Variants in ENTREP2 observed in about 807,000 individuals in gnomAD.
The protein encoded by ENTREP2 is protein ENTREP2.
the ENTREP2 span, among the ~76,000 whole-genome samples, chr15:29,311,349 T>C: frequency 6.6e-6 from 1 of 152,192 alleles, no homozygotes; most frequent in African/African-American, 2.4e-5. Context: ...CTTTTCTGTA[T>C]TTGCTTAAAT....
chr15:29,312,244 AAAG>A, the ENTREP2 span, among the ~76,000 whole-genome samples: 12 of 152,196 alleles, frequency 7.9e-5, no homozygotes, highest in Non-Finnish European at 1.3e-4. Flanking sequence ...AACATTCATG[AAAG>A]AAGAAGTTAA....
chr15:29,297,846 T>C, the ENTREP2 span, among the ~76,000 whole-genome samples: 509 of 152,246 alleles, frequency 3.3e-3, no homozygotes, highest in African/African-American at 0.012. Context: ...AAATGACCCA[T>C]TAAGATAAAA....
At chr15:29,309,728 G>A in the ENTREP2 span, among the ~76,000 whole-genome samples, 1 of 150,566 alleles carries the variant, frequency 6.6e-6, no homozygotes, top group Non-Finnish European at 1.5e-5. Flanking sequence ...GGCAGAGGTT[G>A]CAGTGAGCTG....
the ENTREP2 span, among the ~76,000 whole-genome samples, chr15:29,516,000 T>C: frequency 2.0e-5 from 3 of 152,188 alleles, no homozygotes; most frequent in Non-Finnish European, 4.4e-5. Context: ...TAAACTTGAA[T>C]AGCCATGGGT....
the ENTREP2 span, chr15:29,613,379 T>C: frequency 2.6e-6 from 1 of 390,452 alleles, no homozygotes; most frequent in Non-Finnish European, 5.2e-6. Context: ...TTCCTGGATA[T>C]GTGCAGAAGG....
chr15:29,173,944 C>CA, the ENTREP2 span, among the ~76,000 whole-genome samples: 8,883 of 78,210 alleles, frequency 0.11, 752 homozygotes, highest in African/African-American at 0.29. Context: ...TCTGGATAGC[C>CA]AAAAAAAAAA....
chr15:29,197,325 A>T, the ENTREP2 span, among the ~76,000 whole-genome samples: 1 of 152,164 alleles, frequency 6.6e-6, no homozygotes, highest in Non-Finnish European at 1.5e-5. Context: ...GTGGTACACC[A>T]CCTGCATTTG....
the ENTREP2 span, among the ~76,000 whole-genome samples, chr15:29,621,717 C>T: frequency 6.6e-6 from 1 of 151,698 alleles, no homozygotes; most frequent in African/African-American, 2.4e-5. Context: ...GGCAGTTCCT[C>T]AAAAACTTAA....
chr15:29,479,497 A>G, the ENTREP2 span, among the ~76,000 whole-genome samples: 1 of 152,116 alleles, frequency 6.6e-6, no homozygotes, highest in African/African-American at 2.4e-5. Flanking sequence ...AGCACCAGCC[A>G]CACATCAGTG....
At chr15:29,284,016 G>T in the ENTREP2 span, among the ~76,000 whole-genome samples, 3 of 152,138 alleles carry the variant, frequency 2.0e-5, no homozygotes, top group Non-Finnish European at 4.4e-5. Context: ...ACGAGTTAAG[G>T]ATCAAGATAT....
At chr15:29,522,700 T>G in the ENTREP2 span, among the ~76,000 whole-genome samples, 1 of 152,122 alleles carries the variant, frequency 6.6e-6, no homozygotes, top group Non-Finnish European at 1.5e-5. Context: ...TGGCTGGAGC[T>G]CCTTCAAATT....
At chr15:29,158,413 T>TTTC in the ENTREP2 span, among the ~76,000 whole-genome samples, 3 of 150,968 alleles carry the variant, frequency 2.0e-5, no homozygotes, top group African/African-American at 7.3e-5. Flanking sequence ...GCCTTTTTTT[T>TTTC]TTTTTTTTTT....
At chr15:29,175,032 C>T in the ENTREP2 span, among the ~76,000 whole-genome samples, 3 of 152,172 alleles carry the variant, frequency 2.0e-5, no homozygotes, top group Non-Finnish European at 2.9e-5. Flanking sequence ...TAATCAGTTT[C>T]TCGCTGGGCC....
chr15:29,359,367 T>C, the ENTREP2 span, among the ~76,000 whole-genome samples: 1 of 152,200 alleles, frequency 6.6e-6, no homozygotes, highest in Non-Finnish European at 1.5e-5. Context: ...GGCAGACTCC[T>C]TTCTTCCTCC....
chr15:29,341,838 G>C, the ENTREP2 span, among the ~76,000 whole-genome samples: 1 of 152,126 alleles, frequency 6.6e-6, no homozygotes, highest in Non-Finnish European at 1.5e-5. Context: ...GGCCCGTGGC[G>C]CTGGACTACA....
At chr15:29,666,971 G>A in the ENTREP2 span, among the ~76,000 whole-genome samples, 11 of 152,158 alleles carry the variant, frequency 7.2e-5, no homozygotes, top group South Asian at 1.7e-3. Context: ...TTATAGACGC[G>A]TCATTCCAAT....
chr15:29,225,108 C>T, the ENTREP2 span, among the ~76,000 whole-genome samples: 1 of 152,190 alleles, frequency 6.6e-6, no homozygotes, highest in African/African-American at 2.4e-5. Context: ...GGCACAGCCC[C>T]GGTTCCTGCT....
chr15:29,634,359 G>A, the ENTREP2 span, among the ~76,000 whole-genome samples: 2 of 152,124 alleles, frequency 1.3e-5, no homozygotes, highest in African/African-American at 4.8e-5. Context: ...AGCAGAGCTT[G>A]GATATAGCCC....
chr15:29,497,372 T>C, the ENTREP2 span, among the ~76,000 whole-genome samples: 1 of 152,228 alleles, frequency 6.6e-6, no homozygotes, highest in Non-Finnish European at 1.5e-5. Flanking sequence ...TTGGTAGAAT[T>C]CATCAGTGAA....
Sources: gnomAD v4.1 joint callset for allele counts (sites outside exome capture counted in the v4.1 genomes callset) on GRCh38, gnomAD v4.1.1 for gene constraint, MANE v1.5 for transcripts, NCBI Gene and HGNC (gene_info 2026-07-23, HGNC 2026-07-21) for gene names.